Variants in PTPRD observed in about 807,000 individuals in gnomAD.
The protein encoded by PTPRD is protein tyrosine phosphatase receptor type D.
In PTPRD, 34 loss-of-function variants were observed where a neutral mutation model predicts 214.5. That is an observed-to-expected ratio of 0.16 (90% confidence interval 0.12 to 0.21). The LOEUF (loss-of-function observed/expected upper bound fraction) is 0.21. Among genes scored for constraint, PTPRD ranks in the 10% least tolerant of loss-of-function variants. The pLI, the probability that PTPRD is intolerant of heterozygous loss-of-function variation, is 1.00. For synonymous variants in PTPRD, 1,128 were observed against 845.7 expected (o/e 1.33, Z -5.79); for missense variants, 2,545 against 2,398.7 (o/e 1.06, Z -1.27).
intron 10 of PTPRD, among the ~76,000 whole-genome samples, chr9:9,160,689 C>G (rs965789533): frequency 2.0e-5 from 3 of 152,050 alleles, no homozygotes; most frequent in African/African-American, 7.2e-5. Context: ...GATATACATT[C>G]AAAGGAATTA....
chr9:9,109,253 T>C (rs1212522538), intron 10 of PTPRD, among the ~76,000 whole-genome samples: 2 of 152,186 alleles, frequency 1.3e-5, no homozygotes, highest in African/African-American at 4.8e-5. Flanking sequence ...ATGTAGAGAT[T>C]AGCAGCAAAG....
At chr9:9,763,501 C>T (rs1237388765) in intron 6 of PTPRD, among the ~76,000 whole-genome samples, 3 of 152,100 alleles carry the variant, frequency 2.0e-5, no homozygotes, top group Non-Finnish European at 4.4e-5. Flanking sequence ...ATTTTAGTAA[C>T]AGTAAAATAT....
chr9:9,320,984 C>G (rs1349236826), intron 9 of PTPRD, among the ~76,000 whole-genome samples: 1 of 152,098 alleles, frequency 6.6e-6, no homozygotes, highest in Non-Finnish European at 1.5e-5. Context: ...CCTTCAATAC[C>G]TGTTAATAAA....
intron 23 of PTPRD, among the ~76,000 whole-genome samples, chr9:8,501,542 G>A (rs1436695542): frequency 6.6e-6 from 1 of 152,170 alleles, no homozygotes; most frequent in African/African-American, 2.4e-5. Context: ...ATTTGTGAAA[G>A]GCTTCTTAAG....
intron 9 of PTPRD, among the ~76,000 whole-genome samples, chr9:9,390,963 C>G (rs2065631360): frequency 6.6e-6 from 1 of 152,066 alleles, no homozygotes; most frequent in Non-Finnish European, 1.5e-5. Context: ...GTGTTGATTG[C>G]AAGATGGTGT....
rs898881189 is a variant in PTPRD at position 9,253,909 on chromosome 9, G to C, written c.-202-70546C>G. ...ACTTCCTGCAGAGGGCTTGGGGAGA[G>C]TTTGCTCTGTGCCTAGTTCAGCCTC... On this transcript the variant is annotated intron_variant, in intron 9 of 45. Transcript: ENST00000381196. Among the ~76,000 whole-genome samples, 5 of 152,084 alleles carry C rather than the reference G, an allele frequency of 3.3e-5. 1 individual carries two copies. In the South Asian group the frequency reaches 6.2e-4, roughly 19 times the overall value.
intron 9 of PTPRD, among the ~76,000 whole-genome samples, chr9:9,251,082 G>C (rs2099975290): frequency 6.6e-6 from 1 of 151,956 alleles, no homozygotes; most frequent in South Asian, 2.1e-4. Flanking sequence ...ACTTTTAATA[G>C]GAAAATAAAT....
In PTPRD at chr9:10,196,314, C is replaced by T. The variant is rs191415989; in HGVS notation, c.-545+144649G>A. Among the ~76,000 whole-genome samples the T allele has an allele frequency of 2.3e-3, 348 of 152,140 alleles. 2 individuals are homozygous for T. The highest frequency in any genetic ancestry group is 7.9e-3 in the African/African-American group (329 of 41,514). The stretch of plus-strand genomic sequence containing the variant: ...ATCTTTGATGTCACTAATAAGAGGA[C>T]CTCACTCATAACATTTTCACTTGAA... On this transcript the variant is annotated intron_variant, in intron 3 of 45. Transcript: ENST00000381196.
At chr9:8,508,493 G>C (rs942216151) in intron 21 of PTPRD, among the ~76,000 whole-genome samples, 2 of 151,930 alleles carry the variant, frequency 1.3e-5, no homozygotes, top group African/African-American at 2.4e-5. Context: ...CATTACCCTT[G>C]ATATTATGGC....
At chr9:9,594,776 G>A (rs1246195300) in intron 7 of PTPRD, among the ~76,000 whole-genome samples, 1 of 151,956 alleles carries the variant, frequency 6.6e-6, no homozygotes, top group Non-Finnish European at 1.5e-5. Flanking sequence ...AAAAGGAATA[G>A]TCAGCAGAGT....
chr9:10,212,833 T>C (rs1380500204), intron 3 of PTPRD, among the ~76,000 whole-genome samples: 1 of 152,144 alleles, frequency 6.6e-6, no homozygotes, highest in Non-Finnish European at 1.5e-5. Flanking sequence ...TGTAACCTAC[T>C]CTTTCTTTCC....
At chr9:10,187,325 C>T (rs1240603109) in intron 3 of PTPRD, among the ~76,000 whole-genome samples, 4 of 152,144 alleles carry the variant, frequency 2.6e-5, no homozygotes, top group Non-Finnish European at 5.9e-5. Context: ...TTACCAAAAA[C>T]TGAGAGGTAG....
At chr9:9,100,572 T>G (rs2099789889) in intron 10 of PTPRD, among the ~76,000 whole-genome samples, 2 of 152,128 alleles carry the variant, frequency 1.3e-5, no homozygotes, top group South Asian at 4.1e-4. Flanking sequence ...CATAGCCACA[T>G]TTATCATTTG....
intron 5 of PTPRD, among the ~76,000 whole-genome samples, chr9:9,865,157 C>A (rs541941792): frequency 6.6e-6 from 1 of 152,098 alleles, no homozygotes; most frequent in Non-Finnish European, 1.5e-5. Context: ...GGATGAATGA[C>A]AAAAACATAT....
At chr9:9,176,865 C>G (rs977011875) in intron 10 of PTPRD, among the ~76,000 whole-genome samples, 13 of 151,968 alleles carry the variant, frequency 8.6e-5, no homozygotes, top group Non-Finnish European at 1.6e-4. Context: ...ATTACTCATG[C>G]GGGGGTATTG....
At chr9:8,347,257 T>C (rs780213829) in intron 39 of PTPRD, among the ~76,000 whole-genome samples, 1 of 152,114 alleles carries the variant, frequency 6.6e-6, no homozygotes, top group African/African-American at 2.4e-5. Flanking sequence ...CATATGACTA[T>C]GCTAAAGCAT....
chr9:9,657,485 A>G (rs1380354327), intron 7 of PTPRD, among the ~76,000 whole-genome samples: 2 of 152,208 alleles, frequency 1.3e-5, no homozygotes, highest in African/African-American at 4.8e-5. Context: ...TAGCATTAGG[A>G]GAAATACCTA....
intron 2 of PTPRD, among the ~76,000 whole-genome samples, chr9:10,481,028 A>G (rs879939425): frequency 1.2e-4 from 15 of 122,428 alleles, no homozygotes; most frequent in Middle Eastern, 8.5e-3. Flanking sequence ...CCTGCATCTC[A>G]TTTGGTACTT....
intron 8 of PTPRD, among the ~76,000 whole-genome samples, chr9:9,500,844 T>C (rs2096389325): frequency 6.6e-6 from 1 of 152,036 alleles, no homozygotes; most frequent in Admixed American, 6.6e-5. Flanking sequence ...AATTGAAACA[T>C]TTGATCAAAG....
Sources: allele counts gnomAD v4.1 joint callset (sites outside exome capture counted in the v4.1 genomes callset), GRCh38; gene constraint gnomAD v4.1.1; transcripts MANE v1.5; gene names NCBI Gene and HGNC (gene_info 2026-07-23, HGNC 2026-07-21).